ACOX3: variants seen among roughly 807,000 people sequenced by gnomAD.
ACOX3 encodes acyl-CoA oxidase 3, pristanoyl.
Under a neutral mutation model 81.5 loss-of-function variants are expected in ACOX3, and 73 were observed. The observed-to-expected ratio is 0.90, with a 90% CI of 0.74 to 1.09. The LOEUF is 1.09. Among genes scored for constraint, ACOX3 ranks in the 50% least tolerant of loss-of-function variants. The pLI, the probability that ACOX3 is intolerant of heterozygous loss-of-function variation, is 0.00. For missense variants in ACOX3, 947 were observed against 928.0 expected (o/e 1.02, Z -0.27); for synonymous variants, 387 against 375.1 (o/e 1.03, Z -0.37).
chr4:8,397,151 C>T (rs139530914), intron 8 of ACOX3, 32 bp from the exon 9 acceptor site: 17,570 of 1,509,416 alleles, frequency 0.012, 259 homozygotes, highest in Admixed American at 0.075. Context: ...TAAGCTCAAG[C>T]CCGGCTGCGC....
intron 17 of ACOX3, among the ~76,000 whole-genome samples, chr4:8,367,459 G>A (rs1038540070): frequency 1.1e-4 from 17 of 151,786 alleles, no homozygotes; most frequent in Non-Finnish European, 1.9e-4. Flanking sequence ...CTCCAGCCTG[G>A]GCAACAAGAG....
chr4:8,397,636 C>T (rs1468763724), intron 8 of ACOX3, among the ~76,000 whole-genome samples: 2 of 152,248 alleles, frequency 1.3e-5, no homozygotes, highest in African/African-American at 2.4e-5. Flanking sequence ...TCCTCGCACG[C>T]ATCAGCGGCG....
At position 8,405,944 on chromosome 4, in the gene ACOX3, C is replaced by T; in HGVS notation, c.776+11G>A. 1 of 1,613,372 alleles carries T rather than the reference C, an allele frequency of 6.2e-7. No individual in the cohort carries two copies. Among genetic ancestry groups the T allele is most frequent in the Non-Finnish European group, 8.5e-7 (1 of 1,179,316 alleles). ...CAGGAAGCTCAGGGCTCAGCAGCCT[C>T]TGTCACTCACCCATTATCCAGACCG... is the stretch of plus-strand genomic sequence containing the variant. On this transcript the variant is annotated intron_variant, in intron 7 of 17. Coordinates refer to ENST00000356406, the MANE Select transcript of ACOX3 (RefSeq NM_003501.3). This position sits in a 1 kb window ranked among gnomAD's most constrained non-coding sequence, Gnocchi z 7.1.
Position 8,416,427 on chromosome 4 carries a change from C to T in ACOX3, c.95G>A (p.Trp32Ter), listed in dbSNP as rs1722346053. The change falls in exon 2 of 18, where the codon TGG (tryptophan) becomes TAG (stop). Residue 32 changes from tryptophan (W) to a stop codon, truncating the protein, a stop_gained. Transcript: ENST00000356406. LOFTEE classifies it high-confidence loss of function. The surrounding 1 kb of genome is among the most constrained non-coding windows in gnomAD (Gnocchi z 4.2). ...TTCCGTGAACAGCGCCAGCTCCTTC[C>T]AGCTGAAGGACGCTCTTGCTCGGTA... ...DAYRARASFSWKELALFTEGE... is the reference protein window; with the variant it reads ...DAYRARASFS 1 of 1,614,216 alleles carries T rather than the reference C, an allele frequency of 6.2e-7. No homozygotes were observed. The highest frequency in any genetic ancestry group is 8.5e-7 in the Non-Finnish European group (1 of 1,180,044).
the ACOX3 span, chr4:8,356,841 G>T: frequency 6.8e-4 from 312 of 456,632 alleles, no homozygotes; most frequent in Non-Finnish European, 1.3e-3. Flanking sequence ...GTGAGAGGAA[G>T]AAAGTGTGCA....
chr4:8,358,810 A>G, the ACOX3 span, among the ~76,000 whole-genome samples: 1 of 152,248 alleles, frequency 6.6e-6, no homozygotes, highest in Non-Finnish European at 1.5e-5. Flanking sequence ...CCTGATTAGC[A>G]TATCATCAAG....
intron 7 of ACOX3, among the ~76,000 whole-genome samples, chr4:8,401,721 C>T (rs1238676661): frequency 1.3e-5 from 2 of 152,208 alleles, no homozygotes; most frequent in African/African-American, 4.8e-5. Context: ...GTCCCACCTG[C>T]CTGTGGTGCC....
chr4:8,355,957 AAGAAGGAAATCTATAC>A, the ACOX3 span: 1 of 162,658 alleles, frequency 6.1e-6, no homozygotes, highest in Non-Finnish European at 1.4e-5. Context: ...TAGGGGCAAT[AAGAAGGAAATCTATAC>A]AGAAGACACC....
At chr4:8,376,680 G>A (rs997560969) in intron 14 of ACOX3, among the ~76,000 whole-genome samples, 1 of 152,196 alleles carries the variant, frequency 6.6e-6, no homozygotes, top group African/African-American at 2.4e-5. Context: ...GTGCCAGGAA[G>A]GCCCGTCCTG....
chr4:8,408,891 TGGGGGGGGGGGGTGGGG>T (rs761652569), intron 6 of ACOX3, among the ~76,000 whole-genome samples: 1 of 25,788 alleles, frequency 3.9e-5, no homozygotes, highest in Non-Finnish European at 6.2e-5. Context: ...GAGCCCTCAC[TGGGGGGGGGGGGTGGGG>T]GGGGGGTGGG....
chr4:8,392,244 T>C lies in ACOX3; in HGVS notation c.1300+89A>G, dbSNP rs1578904716. ...AAAACAGGTGGCAGGCTGGATTTGG[T>C]CCTCAGGCCGCAGTCTGCCGACCCC... On this transcript the variant is annotated intron_variant, in intron 11 of 17. Transcript: ENST00000356406. 5.2e-6 allele frequency: 7 copies of C among 1,345,730 alleles called. No homozygotes were observed. The East Asian group carries it at 1.7e-4, about 32-fold the overall frequency. 83.4% of individuals were successfully genotyped at this position (1,345,730 alleles called of 1,614,324 possible). A position where few individuals can be genotyped will look rare whatever the true frequency, so the allele number is the denominator to read the frequency against.
the ACOX3 span, chr4:8,357,088 C>A: frequency 2.2e-6 from 1 of 454,954 alleles, no homozygotes; most frequent in African/African-American, 2.0e-5. Context: ...ATGATCCTGG[C>A]AGGTGAGAGG....
chr4:8,432,741 A>G lies in ACOX3; in HGVS notation c.-15+7907T>C, dbSNP rs924038118. Among the ~76,000 whole-genome samples, 3 of 152,104 alleles carry G rather than the reference A, an allele frequency of 2.0e-5. No homozygotes were observed. The highest frequency in any genetic ancestry group is 4.4e-5 in the Non-Finnish European group (3 of 68,018). On this transcript the variant is annotated intron_variant, in intron 1 of 17. Transcript: ENST00000356406. The surrounding 1 kb of genome is among the most constrained non-coding windows in gnomAD (Gnocchi z 6.2). ...CCAGGGACTTCCGGTTGGAGCCTCC[A>G]CTGCTGCTTCTCGAGTTCCACCCAG...
chr4:8,361,425 C>CAAAAAA (rs56251372), downstream of ACOX3, among the ~76,000 whole-genome samples: 253 of 39,032 alleles, frequency 6.5e-3, 43 homozygotes, highest in African/African-American at 0.011. Context: ...GACTCTATCT[C>CAAAAAA]AAAAAAAAAA....
Position 8,432,692 on chromosome 4 carries a change from T to C in ACOX3, c.-15+7956A>G, listed in dbSNP as rs1724024324. On this transcript the variant is annotated intron_variant, in intron 1 of 17. Transcript: ENST00000356406. This position sits in a 1 kb window ranked among gnomAD's most constrained non-coding sequence, Gnocchi z 6.2. Reference sequence around the variant, plus strand: ...ATCATTCTGATCAGCACAACAGGGCTGCCACTCAGGGCGCTCAGAGCAGCC... The same window carrying C: ...ATCATTCTGATCAGCACAACAGGGCCGCCACTCAGGGCGCTCAGAGCAGCC... Among the ~76,000 whole-genome samples, 2 of 152,326 alleles carry C rather than the reference T, an allele frequency of 1.3e-5. No homozygotes were observed. The highest frequency in any genetic ancestry group is 4.8e-5 in the African/African-American group (2 of 41,574).
At chr4:8,440,552 G>A in intron 1 of ACOX3, 96 bp downstream of exon 1, 2 of 424,870 alleles carry the variant, frequency 4.7e-6, no homozygotes, top group South Asian at 1.0e-4. Context: ...AGGACAATGC[G>A]TTCCACACCC....
chr4:8,375,319 T>C (rs576514096), intron 14 of ACOX3, among the ~76,000 whole-genome samples, 167 bp from the exon 15 acceptor site: 129 of 152,306 alleles, frequency 8.5e-4, no homozygotes, highest in African/African-American at 3.1e-3. Context: ...GCACGAGACA[T>C]GTTTCCAGAA....
Position 8,384,982 on chromosome 4 carries a change from T to C in ACOX3, c.1538-3375A>G, listed in dbSNP as rs114048956. On this transcript the variant is annotated intron_variant, in intron 13 of 17. Coordinates refer to ENST00000356406, the MANE Select transcript of ACOX3 (RefSeq NM_003501.3). This position sits in a 1 kb window ranked among gnomAD's most constrained non-coding sequence, Gnocchi z 5.3. ...CCAAGGCAGACCTCACCTGCATCTGTTGTTTCCAAGGAAGTGTTCAGGACT... is the reference window on the plus strand; with the variant it reads ...CCAAGGCAGACCTCACCTGCATCTGCTGTTTCCAAGGAAGTGTTCAGGACT... Among the ~76,000 whole-genome samples the C allele has an allele frequency of 6.7e-3, 1,019 of 152,200 alleles. 13 individuals are homozygous for C. The highest frequency in any genetic ancestry group is 0.023 in the African/African-American group (972 of 41,534).
chr4:8,365,053 A>T (rs1715335377), downstream of ACOX3, among the ~76,000 whole-genome samples: 1 of 152,152 alleles, frequency 6.6e-6, no homozygotes, highest in Non-Finnish European at 1.5e-5. Context: ...ACACGGCCTG[A>T]GGCATCCTAT....
Sources: gnomAD v4.1 joint callset for allele counts (sites outside exome capture counted in the v4.1 genomes callset) on GRCh38, gnomAD v4.1.1 for gene constraint, Gnocchi (gnomAD v3.1) non-coding constraint, MANE v1.5 for transcripts, NCBI Gene and HGNC (gene_info 2026-07-23, HGNC 2026-07-21) for gene names.